The following ABHD17B variants were observed in gnomAD, a reference collection of about 807,000 sequenced individuals.
ABHD17B encodes the protein abhydrolase domain containing 17B, depalmitoylase, also known as alpha/beta hydrolase domain-containing protein 17B.
ABHD17B carries 9 observed loss-of-function variants against 26.2 expected under a neutral mutation model. The ratio of observed to expected loss-of-function variants is 0.34; its 90% CI spans 0.21 to 0.60. ABHD17B has a LOEUF of 0.60. ABHD17B is among the 20% of genes least tolerant of loss of function. The probability of loss-of-function intolerance (pLI) is 0.80; values close to 1 mark genes in which losing one functional copy is unlikely to be tolerated. For missense variants in ABHD17B, 224 were observed against 352.1 expected, an observed-to-expected ratio of 0.64 and a Z score of 2.91; for synonymous variants, 127 against 122.3, an observed-to-expected ratio of 1.04 and a Z score of -0.25.
At chr9:71,898,208 G>A (rs1242420914) in intron 1 of ABHD17B, among the ~76,000 whole-genome samples, 1 of 152,102 alleles carries the variant, frequency 6.6e-6, no homozygotes, top group Non-Finnish European at 1.5e-5. Context: ...AATTAGGAAA[G>A]CCTTTGTGAG....
intron 1 of ABHD17B, among the ~76,000 whole-genome samples, chr9:71,892,355 A>G (rs980511553): frequency 6.6e-6 from 1 of 151,892 alleles, no homozygotes; most frequent in African/African-American, 2.4e-5. Context: ...ACACGGTGAA[A>G]CCTCATCTCT....
intron 1 of ABHD17B, among the ~76,000 whole-genome samples, chr9:71,880,263 G>A (rs1826400377): frequency 6.6e-6 from 1 of 151,976 alleles, no homozygotes; most frequent in African/African-American, 2.4e-5. Context: ...TGCTTTCTGA[G>A]GCTATTATAA....
At chr9:71,902,545 T>TCAGC (rs1827175008) in intron 1 of ABHD17B, 1 of 152,036 alleles carries the variant, frequency 6.6e-6, no homozygotes, top group Non-Finnish European at 1.5e-5. Flanking sequence ...GGGACTGTGA[T>TCAGC]CAGCCCCTAA....
chr9:71,866,746 C>A lies in ABHD17B; in HGVS notation c.*41G>T, dbSNP rs1459040396. The A allele has an allele frequency of 2.5e-6, 4 of 1,609,722 alleles. No homozygotes were observed. The highest frequency in any genetic ancestry group is 1.3e-5 in the African/African-American group (1 of 74,694). Reference sequence around the variant, plus strand: ...ATGTTATTTACCAAAGAGTGCAGTTCAGCAAGAAAGGAAAACCCAGTAGCA... The same window carrying A: ...ATGTTATTTACCAAAGAGTGCAGTTAAGCAAGAAAGGAAAACCCAGTAGCA... On this transcript the variant is annotated 3_prime_UTR_variant, in exon 4 of 4. Transcript: ENST00000333421.
intron 1 of ABHD17B, among the ~76,000 whole-genome samples, chr9:71,910,396 T>G (rs1422369433): frequency 6.6e-6 from 1 of 151,906 alleles, no homozygotes; most frequent in Non-Finnish European, 1.5e-5. Flanking sequence ...GGGACTGTCC[T>G]ACCGCTCCCC....
At chr9:71,900,349 G>A (rs984030510) in intron 1 of ABHD17B, among the ~76,000 whole-genome samples, 2 of 152,126 alleles carry the variant, frequency 1.3e-5, no homozygotes, top group Admixed American at 1.3e-4. Flanking sequence ...AAAACTCCTT[G>A]ATGGCTTCTC....
At chr9:71,893,686 G>C (rs1826864654) in intron 1 of ABHD17B, among the ~76,000 whole-genome samples, 1 of 152,200 alleles carries the variant, frequency 6.6e-6, no homozygotes, top group Non-Finnish European at 1.5e-5. Context: ...GAGATTAACA[G>C]GCAGGACTGT....
chr9:71,873,093 A>C (rs1191372648), intron 2 of ABHD17B, among the ~76,000 whole-genome samples: 1 of 151,982 alleles, frequency 6.6e-6, no homozygotes, highest in Non-Finnish European at 1.5e-5. Flanking sequence ...TTAAACATTA[A>C]ATTAGAAACA....
At position 71,865,803 on chromosome 9, in the gene ABHD17B, G is replaced by C; in HGVS notation, c.*984C>G. On this transcript the variant is annotated 3_prime_UTR_variant, in exon 4 of 4. Coordinates refer to ENST00000333421, the MANE Select transcript of ABHD17B (RefSeq NM_001025780.3). ...TTGATCCCGGGAGGCAGAGGTTGCA[G>C]TGAATCAAGATCGCGCCACTGCACT... 2.4e-6 allele frequency: 2 copies of C among 840,164 alleles called. No individual in the cohort carries two copies. Among genetic ancestry groups the C allele is most frequent in the Non-Finnish European group, 2.9e-6 (2 of 697,792 alleles). 52.0% of individuals were successfully genotyped at this position (840,164 alleles called of 1,614,324 possible). A position where few individuals can be genotyped will look rare whatever the true frequency, so the allele number is the denominator to read the frequency against.
At chr9:71,904,132 G>A (rs1251211043) in intron 1 of ABHD17B, among the ~76,000 whole-genome samples, 2 of 152,056 alleles carry the variant, frequency 1.3e-5, no homozygotes, top group African/African-American at 4.8e-5. Context: ...AACTCCTTTG[G>A]TCCACCTTAC....
intron 1 of ABHD17B, among the ~76,000 whole-genome samples, chr9:71,904,575 C>T (rs781379376): frequency 6.6e-6 from 1 of 151,970 alleles, no homozygotes; most frequent in South Asian, 2.1e-4. Context: ...AAGCAAACTC[C>T]GAAATGTGGA....
In ABHD17B at chr9:71,911,185, C is replaced by T. The variant is rs370256355; in HGVS notation, c.-555G>A. On this transcript the variant is annotated 5_prime_UTR_variant, in exon 1 of 4. Transcript: ENST00000333421. ...CAATCCCCACTGAGCCAGGAGTTGGCCACTGACTGGAGGAAGGTGCCAAAG... is the reference window on the plus strand; with the variant it reads ...CAATCCCCACTGAGCCAGGAGTTGGTCACTGACTGGAGGAAGGTGCCAAAG... Among the ~76,000 whole-genome samples the T allele has an allele frequency of 9.9e-5, 15 of 152,142 alleles. 1 individual carries two copies. The highest frequency in any genetic ancestry group is 5.2e-4 in the Admixed American group (8 of 15,286).
intron 1 of ABHD17B, among the ~76,000 whole-genome samples, chr9:71,903,142 T>G (rs1393838803): frequency 1.3e-5 from 2 of 152,326 alleles, no homozygotes; most frequent in Non-Finnish European, 2.9e-5. Context: ...AGTATTTATC[T>G]GTATAAAGTA....
intron 2 of ABHD17B, 60 bp downstream of exon 2, chr9:71,874,552 TAC>T (rs1369335533): frequency 1.3e-5 from 18 of 1,375,734 alleles, no homozygotes; most frequent in Middle Eastern, 1.9e-4. Context: ...ATTCTATTCT[TAC>T]ACAAGATATT....
At chr9:71,907,457 G>A (rs1827317652) in intron 1 of ABHD17B, among the ~76,000 whole-genome samples, 1 of 152,116 alleles carries the variant, frequency 6.6e-6, no homozygotes. Context: ...AGATATCGGG[G>A]GGAAAAGGGA....
chr9:71,879,876 C>T (rs1826389708), intron 1 of ABHD17B, among the ~76,000 whole-genome samples: 1 of 152,146 alleles, frequency 6.6e-6, no homozygotes, highest in Admixed American at 6.5e-5. Flanking sequence ...TGCCTAATGT[C>T]ACAAATCTGA....
chr9:71,907,330 G>C (rs1245567807), intron 1 of ABHD17B, among the ~76,000 whole-genome samples: 2 of 152,020 alleles, frequency 1.3e-5, no homozygotes, highest in Non-Finnish European at 2.9e-5. Flanking sequence ...TATTTAAATA[G>C]TCTTAAGACA....
intron 1 of ABHD17B, among the ~76,000 whole-genome samples, chr9:71,906,529 G>GC (rs1485139640): frequency 3.9e-5 from 6 of 152,146 alleles, no homozygotes; most frequent in African/African-American, 1.4e-4. Context: ...ACAGCATCTG[G>GC]CCGGGCACAG....
chr9:71,889,557 G>C (rs918645277), intron 1 of ABHD17B, among the ~76,000 whole-genome samples: 6 of 152,108 alleles, frequency 3.9e-5, no homozygotes, highest in African/African-American at 1.4e-4. Flanking sequence ...GGGGGATCTG[G>C]GAGCGTATTT....
Sources: gnomAD v4.1 joint callset for allele counts (sites outside exome capture counted in the v4.1 genomes callset) on GRCh38, gnomAD v4.1.1 for gene constraint, MANE v1.5 for transcripts, NCBI Gene and HGNC (gene_info 2026-07-23, HGNC 2026-07-21) for gene names.